GPHN: variants seen among roughly 807,000 people sequenced by gnomAD.
The protein encoded by GPHN is gephyrin.
In GPHN, 17 loss-of-function variants were observed where a neutral mutation model predicts 95.5. The observed-to-expected ratio is 0.18, with a 90% confidence interval of 0.12 to 0.27. The LOEUF is 0.27. Among genes scored for constraint, GPHN ranks in the 10% least tolerant of loss-of-function variants. The pLI is 1.00. For synonymous variants in GPHN, 320 were observed against 322.5 expected (o/e 0.99, Z 0.08); for missense variants, 660 against 978.1 (o/e 0.67, Z 4.34).
the GPHN span, among the ~76,000 whole-genome samples, chr14:67,458,879 G>A: frequency 6.6e-6 from 1 of 151,776 alleles, no homozygotes; most frequent in African/African-American, 2.4e-5. Context: ...CACTATGCCT[G>A]GCTAATGTTT....
At chr14:66,777,739 T>C (rs2059435945) in intron 3 of GPHN, among the ~76,000 whole-genome samples, 1 of 152,214 alleles carries the variant, frequency 6.6e-6, no homozygotes. Flanking sequence ...ATTATCTCAA[T>C]ACATGAAGAA....
chr14:67,022,699 C>G (rs1029549114), intron 9 of GPHN, among the ~76,000 whole-genome samples: 1 of 148,048 alleles, frequency 6.8e-6, no homozygotes, highest in Non-Finnish European at 1.5e-5. Context: ...CATAACCCAC[C>G]CTAAGTTGCA....
intron 1 of GPHN, among the ~76,000 whole-genome samples, chr14:66,664,689 C>T (rs2065847567): frequency 1.3e-5 from 2 of 151,560 alleles, no homozygotes; most frequent in South Asian, 2.1e-4. Context: ...TCAGTAAATC[C>T]AGGAGTTGTT....
At chr14:67,587,447 A>G in the GPHN span, 2 of 599,930 alleles carry the variant, frequency 3.3e-6, no homozygotes, top group Admixed American at 2.9e-5. Context: ...CAGTGTTAAA[A>G]CCATTTATTC....
chr14:67,231,928 C>G, the GPHN span, among the ~76,000 whole-genome samples: 1 of 150,304 alleles, frequency 6.7e-6, no homozygotes, highest in East Asian at 2.0e-4. Context: ...GAGATCATGC[C>G]ACTGTACTCC....
intron 9 of GPHN, among the ~76,000 whole-genome samples, chr14:67,005,604 T>G (rs2072548740): frequency 7.3e-6 from 1 of 137,594 alleles, no homozygotes; most frequent in Admixed American, 7.3e-5. Context: ...CTTTTTAACT[T>G]AAATATTTTG....
the GPHN span, among the ~76,000 whole-genome samples, chr14:67,315,433 C>T: frequency 4.6e-5 from 7 of 151,894 alleles, no homozygotes; most frequent in African/African-American, 7.2e-5. Context: ...CCCACCACCA[C>T]GCCCAGCTGA....
intron 18 of GPHN, among the ~76,000 whole-genome samples, chr14:67,150,463 A>AAC (rs1419675215): frequency 2.7e-5 from 4 of 149,734 alleles, no homozygotes; most frequent in African/African-American, 9.8e-5. Context: ...CAAAAAAAAA[A>AAC]AAAAAAAAAA....
intron 5 of GPHN, among the ~76,000 whole-genome samples, chr14:66,885,591 A>G (rs1337905552): frequency 6.6e-6 from 1 of 152,068 alleles, no homozygotes; most frequent in Non-Finnish European, 1.5e-5. Context: ...CATTGTTTCA[A>G]CCCACACTGG....
At chr14:66,522,721 AAATT>A (rs1473176908) in intron 1 of GPHN, among the ~76,000 whole-genome samples, 1 of 152,034 alleles carries the variant, frequency 6.6e-6, no homozygotes, top group African/African-American at 2.4e-5. Context: ...TTTATTGTGA[AAATT>A]AATTATTTTA....
the GPHN span, among the ~76,000 whole-genome samples, chr14:67,538,683 T>C: frequency 2.0e-5 from 3 of 152,160 alleles, no homozygotes; most frequent in Admixed American, 6.5e-5. Context: ...AAAACCTCTC[T>C]GCTCTCCTCA....
chr14:67,097,944 AAG>A (rs1474091285), intron 12 of GPHN, among the ~76,000 whole-genome samples: 5 of 152,154 alleles, frequency 3.3e-5, no homozygotes, highest in Non-Finnish European at 5.9e-5. Context: ...TTTATGAAAC[AAG>A]AGTCATCCTT....
At chr14:67,381,006 AAG>A in the GPHN span, among the ~76,000 whole-genome samples, 1 of 152,136 alleles carries the variant, frequency 6.6e-6, no homozygotes, top group South Asian at 2.1e-4. Flanking sequence ...TTTTTTTAAA[AAG>A]AGGGGTTTGA....
In GPHN at chr14:66,975,271, G is replaced by A. The variant is rs578159793; in HGVS notation, c.963+9946G>A. Among the ~76,000 whole-genome samples the A allele has an allele frequency of 4.6e-5, 7 of 152,196 alleles. No homozygotes were observed. The South Asian group carries it at 1.5e-3, about 32-fold the overall frequency. ...TGTAGATAATCTTTCAGAAGTTAAAGGTTTTGGAGTCATCTCTTAATCAAA... is the reference window on the plus strand; with the variant it reads ...TGTAGATAATCTTTCAGAAGTTAAAAGTTTTGGAGTCATCTCTTAATCAAA... On this transcript the variant is annotated intron_variant, in intron 9 of 22. Coordinates refer to ENST00000478722, the MANE Select transcript of GPHN (RefSeq NM_020806.5).
chr14:67,441,387 T>C, the GPHN span, among the ~76,000 whole-genome samples: 2 of 152,182 alleles, frequency 1.3e-5, no homozygotes, highest in African/African-American at 2.4e-5. Flanking sequence ...CACCAGGCAC[T>C]GGTCTCCAAG....
chr14:66,686,321 A>G (rs1299528024), intron 2 of GPHN, among the ~76,000 whole-genome samples: 3 of 152,194 alleles, frequency 2.0e-5, no homozygotes, highest in Non-Finnish European at 4.4e-5. Context: ...CATTGAATCT[A>G]TAAATTACCT....
the GPHN span, chr14:67,651,468 T>G: frequency 6.2e-7 from 1 of 1,613,850 alleles, no homozygotes; most frequent in Non-Finnish European, 8.5e-7. Context: ...AGCAGCAGCT[T>G]GTTGGTTGTC....
intron 11 of GPHN, among the ~76,000 whole-genome samples, chr14:67,067,417 A>G (rs1043187718): frequency 2.0e-5 from 3 of 152,176 alleles, no homozygotes; most frequent in Non-Finnish European, 2.9e-5. Flanking sequence ...TCAGGGACTC[A>G]CTTGATGATG....
At chr14:66,984,165 T>A (rs1405259203) in intron 9 of GPHN, among the ~76,000 whole-genome samples, 1 of 152,192 alleles carries the variant, frequency 6.6e-6, no homozygotes, top group African/African-American at 2.4e-5. Context: ...TCTTATATTT[T>A]TATAGGAATC....
Sources: allele counts gnomAD v4.1 joint callset (sites outside exome capture counted in the v4.1 genomes callset), GRCh38; gene constraint gnomAD v4.1.1; transcripts MANE v1.5; gene names NCBI Gene and HGNC (gene_info 2026-07-23, HGNC 2026-07-21).